The following LMOD1 variants were observed in gnomAD, a reference collection of about 807,000 sequenced individuals.
LMOD1 encodes leiomodin 1, also known as leiomodin-1.
LMOD1 carries 8 observed loss-of-function variants against 36.5 expected under a neutral mutation model. The observed-to-expected ratio is 0.22, with a 90% CI of 0.13 to 0.40. The LOEUF is 0.40. LMOD1 is among the 10% of genes least tolerant of loss of function. The pLI, the probability that LMOD1 is intolerant of heterozygous loss-of-function variation, is 1.00. For missense variants in LMOD1, 630 were observed against 751.1 expected (o/e 0.84, Z 1.88); for synonymous variants, 284 against 288.7 (o/e 0.98, Z 0.17).
At chr1:201,924,788 G>A (rs1041378017) in intron 1 of LMOD1, among the ~76,000 whole-genome samples, 1 of 152,206 alleles carries the variant, frequency 6.6e-6, no homozygotes, top group African/African-American at 2.4e-5. Context: ...TACTTGGGAG[G>A]CTGAGGCCGG....
rs1044459667 is a variant in LMOD1, at chr1:201,923,171, C to T, written c.262-22420G>A. Among the ~76,000 whole-genome samples, 6 of 152,160 alleles carry T rather than the reference C, an allele frequency of 3.9e-5. No individual in the cohort carries two copies. In the South Asian group the frequency reaches 6.2e-4, roughly 16 times the overall value. On this transcript the variant is annotated intron_variant, in intron 1 of 2. Coordinates refer to ENST00000367288, the MANE Select transcript of LMOD1 (RefSeq NM_012134.3). Reference sequence around the variant, plus strand: ...TTCCCCAGGGTCTCCCAGAGGGCAGCGCTGGAGCATGGCCAGTACCCATCT... The same window carrying T: ...TTCCCCAGGGTCTCCCAGAGGGCAGTGCTGGAGCATGGCCAGTACCCATCT...
At chr1:201,919,512 T>C (rs1681665935) in intron 1 of LMOD1, among the ~76,000 whole-genome samples, 1 of 152,198 alleles carries the variant, frequency 6.6e-6, no homozygotes, top group Non-Finnish European at 1.5e-5. Flanking sequence ...CCCCTTTTCT[T>C]CTTTTTTAAC....
chr1:201,915,014 C>T (rs945026542), intron 1 of LMOD1, among the ~76,000 whole-genome samples: 4 of 152,198 alleles, frequency 2.6e-5, no homozygotes, highest in Middle Eastern at 3.2e-3. Context: ...GCCTCACCCC[C>T]AACATTCCAT....
At chr1:201,927,435 G>A (rs7548002) in intron 1 of LMOD1, among the ~76,000 whole-genome samples, 9,999 of 152,072 alleles carry the variant, frequency 0.066, 589 homozygotes, top group East Asian at 0.27. Flanking sequence ...GTGTGGTGGC[G>A]TGTGCCTGTA....
chr1:201,945,950 A>G (rs1470307315), intron 1 of LMOD1, 130 bp downstream of exon 1: 4 of 895,612 alleles, frequency 4.5e-6, no homozygotes, highest in Non-Finnish European at 5.2e-6. Context: ...GATAATCATC[A>G]GTTCTGAAGC....
At chr1:201,901,647 TACATATATATGTGTATATATATATATA>T (rs1558234881) in intron 1 of LMOD1, among the ~76,000 whole-genome samples, 6 of 68,116 alleles carry the variant, frequency 8.8e-5, no homozygotes, top group African/African-American at 4.8e-4. Flanking sequence ...TATATATATA[TACATATATATGTGTATATATATATATA>T]CACATATATA....
At chr1:201,912,994 G>A (rs1681540137) in intron 1 of LMOD1, among the ~76,000 whole-genome samples, 1 of 152,164 alleles carries the variant, frequency 6.6e-6, no homozygotes, top group African/African-American at 2.4e-5. Flanking sequence ...GAAGGCGGTG[G>A]GAGCTGAGAG....
intron 1 of LMOD1, among the ~76,000 whole-genome samples, chr1:201,903,299 C>G (rs1019176357): frequency 4.9e-4 from 74 of 152,312 alleles, no homozygotes; most frequent in Non-Finnish European, 3.1e-4. Context: ...GGCACAGGGC[C>G]TAGTGAGACA....
chr1:201,941,325 T>C (rs1451758255), intron 1 of LMOD1, among the ~76,000 whole-genome samples: 1 of 152,178 alleles, frequency 6.6e-6, no homozygotes, highest in Admixed American at 6.5e-5. Context: ...AACAAACACC[T>C]GTGGATTGTA....
chr1:201,905,595 G>A lies in LMOD1; in HGVS notation c.262-4844C>T, dbSNP rs559069935. ...GCCAGAGCCTCTGTGTGCTGCATTC[G>A]GCAACCACAGCCCACTGATACCTTG... is the stretch of plus-strand genomic sequence containing the variant. On this transcript the variant is annotated intron_variant, in intron 1 of 2. Transcript: ENST00000367288. 2.5e-4 allele frequency among the ~76,000 whole-genome samples: 38 copies of A among 152,270 alleles called. No individual in the cohort carries two copies. The Middle Eastern group carries it at 0.01, about 41-fold the overall frequency.
At chr1:201,945,349 C>A (rs550041318) in intron 1 of LMOD1, among the ~76,000 whole-genome samples, 1 of 152,182 alleles carries the variant, frequency 6.6e-6, no homozygotes, top group Non-Finnish European at 1.5e-5. Context: ...CCCAGCAAAG[C>A]GGCCTCGCCA....
chr1:201,936,969 T>C (rs574076823), intron 1 of LMOD1, among the ~76,000 whole-genome samples: 34 of 152,126 alleles, frequency 2.2e-4, no homozygotes, highest in African/African-American at 8.2e-4. Context: ...AAATGTCACC[T>C]CTTTTGGTAG....
chr1:201,936,764 C>T (rs1010220726), intron 1 of LMOD1, among the ~76,000 whole-genome samples: 2 of 152,062 alleles, frequency 1.3e-5, no homozygotes, highest in African/African-American at 2.4e-5. Flanking sequence ...TGGTGAAACC[C>T]CCTCCCTGCT....
chr1:201,934,671 C>A (rs1374112555), intron 1 of LMOD1, among the ~76,000 whole-genome samples: 1 of 152,202 alleles, frequency 6.6e-6, no homozygotes, highest in East Asian at 1.9e-4. Flanking sequence ...TATCCATATT[C>A]TCTCTTTTGA....
intron 1 of LMOD1, among the ~76,000 whole-genome samples, chr1:201,931,860 C>A (rs1184693321): frequency 6.6e-6 from 1 of 151,908 alleles, no homozygotes; most frequent in Non-Finnish European, 1.5e-5. Context: ...ATAATCATGC[C>A]ACTGCACTCC....
chr1:201,913,313 G>A (rs1184192755), intron 1 of LMOD1, among the ~76,000 whole-genome samples: 2 of 152,162 alleles, frequency 1.3e-5, no homozygotes, highest in Non-Finnish European at 2.9e-5. Context: ...CACTCAGAAA[G>A]TGATGTTTCA....
rs779712100 is a variant in LMOD1, at chr1:201,900,221, G to A, written c.792C>T (p.Thr264=). The A allele has an allele frequency of 2.5e-6, 4 of 1,613,658 alleles. No homozygotes were observed. In the East Asian group the frequency reaches 8.9e-5, roughly 36 times the overall value. The part of the protein sequence containing the change: ...KVKRGTGNTD[T]KKDDEKVKKN... ...TCTTGACTTTTTCATCGTCCTTTTT[G>A]GTGTCTGTGTTCCCAGTTCCTCTTT... is the stretch of plus-strand genomic sequence containing the variant. Residue 264 remains threonine (T), a synonymous_variant, in exon 2 of 3, where the codon ACC becomes ACT. Transcript: ENST00000367288.
chr1:201,924,537 GAAGGAAGGAAGC>G (rs1439834980), intron 1 of LMOD1, among the ~76,000 whole-genome samples: 8 of 121,890 alleles, frequency 6.6e-5, no homozygotes, highest in African/African-American at 2.4e-4. Context: ...GGGAAGGAAG[GAAGGAAGGAAGC>G]AAGGAAGGAG....
intron 2 of LMOD1, among the ~76,000 whole-genome samples, chr1:201,898,760 G>A (rs551658934): frequency 6.6e-6 from 1 of 152,296 alleles, no homozygotes; most frequent in East Asian, 1.9e-4. Context: ...CATGGCACTG[G>A]CTAGGCAAAG....
Sources: allele counts gnomAD v4.1 joint callset (sites outside exome capture counted in the v4.1 genomes callset), GRCh38; gene constraint gnomAD v4.1.1; transcripts MANE v1.5; gene names NCBI Gene and HGNC (gene_info 2026-07-23, HGNC 2026-07-21).